INPP4B: variants seen among roughly 807,000 people sequenced by gnomAD.
INPP4B encodes the protein inositol polyphosphate-4-phosphatase type II B, also known as inositol polyphosphate 4-phosphatase type II.
Under a neutral mutation model 122.5 loss-of-function variants are expected in INPP4B, and 55 were observed. The ratio of observed to expected loss-of-function variants is 0.45; its 90% CI spans 0.36 to 0.56. The LOEUF (loss-of-function observed/expected upper bound fraction) is 0.56, where lower values mean the gene tolerates loss of function less well. Ranked by LOEUF, INPP4B falls within the 20% of genes least tolerant of loss-of-function variation. The pLI is 0.00. For synonymous variants in INPP4B, 403 were observed against 388.7 expected (o/e 1.04, Z -0.43); for missense variants, 1,000 against 1,097.7 (o/e 0.91, Z 1.26).
intron 2 of INPP4B, among the ~76,000 whole-genome samples, chr4:142,579,879 GTAGATAGATAGA>G (rs34007661): frequency 0.019 from 2,772 of 142,380 alleles, 38 homozygotes; most frequent in Non-Finnish European, 0.024. Context: ...AGATAGGTAG[GTAGATAGATAGA>G]TAGATAGATA....
intron 15 of INPP4B, among the ~76,000 whole-genome samples, chr4:142,192,281 TA>T (rs57535551): frequency 0.1 from 6,169 of 60,804 alleles, 392 homozygotes; most frequent in East Asian, 0.34. Context: ...TCACCATGGT[TA>T]AAAAAAAAAG....
At chr4:142,536,148 T>C (rs956204266) in intron 2 of INPP4B, among the ~76,000 whole-genome samples, 1 of 152,202 alleles carries the variant, frequency 6.6e-6, no homozygotes, top group African/African-American at 2.4e-5. Context: ...GTAAGTAAGA[T>C]TGTTGATAGA....
At chr4:142,181,427 A>T (rs1258417035) in intron 15 of INPP4B, among the ~76,000 whole-genome samples, 2 of 152,244 alleles carry the variant, frequency 1.3e-5, no homozygotes, top group Non-Finnish European at 2.9e-5. Context: ...AAAAATAAAT[A>T]TAACTGTATT....
intron 2 of INPP4B, among the ~76,000 whole-genome samples, chr4:142,699,836 G>A (rs139789660): frequency 4.9e-4 from 74 of 152,150 alleles, no homozygotes; most frequent in African/African-American, 1.7e-3. Context: ...ATCATTGTGA[G>A]TCAACTCTAT....
intron 1 of INPP4B, among the ~76,000 whole-genome samples, chr4:142,747,875 T>TG (rs111391726): frequency 0.29 from 43,790 of 151,276 alleles, 6,498 homozygotes; most frequent in South Asian, 0.37. Context: ...TGTCAAGGGG[T>TG]GGGGGAGCTG....
chr4:142,562,025 C>T (rs530579906), intron 2 of INPP4B, among the ~76,000 whole-genome samples: 130 of 151,340 alleles, frequency 8.6e-4, no homozygotes, highest in Non-Finnish European at 1.5e-3. Context: ...ATCCTCACTT[C>T]TCACAGGGGG....
intron 12 of INPP4B, among the ~76,000 whole-genome samples, chr4:142,213,460 C>T (rs781537921): frequency 3.3e-5 from 5 of 152,144 alleles, no homozygotes; most frequent in African/African-American, 7.2e-5. Context: ...CACAATAGAT[C>T]ATTCTCTTCA....
rs181055790 is a variant in INPP4B at position 142,165,258 on chromosome 4, A to G, written c.1360-4697T>C. On this transcript the variant is annotated intron_variant, in intron 16 of 25. Transcript: ENST00000262992. ...TAGTATCATTAGTACTCAGAGTCCA[A>G]ACCTCTGAATTATCCTCACTAACGC... Among the ~76,000 whole-genome samples the G allele has an allele frequency of 1.6e-3, 236 of 151,852 alleles. 2 individuals carry two copies. The highest frequency in any genetic ancestry group is 1.4e-3 in the Non-Finnish European group (93 of 67,802).
At chr4:142,790,917 T>C (rs1442232848) in intron 1 of INPP4B, among the ~76,000 whole-genome samples, 1 of 151,934 alleles carries the variant, frequency 6.6e-6, no homozygotes, top group East Asian at 1.9e-4. Context: ...CCACACTTCA[T>C]CCCACTCCCA....
chr4:142,400,052 A>G (rs2149121108), intron 7 of INPP4B, among the ~76,000 whole-genome samples: 1 of 152,370 alleles, frequency 6.6e-6, no homozygotes, highest in African/African-American at 2.4e-5. Flanking sequence ...TTAGAGGAGC[A>G]CAAGAACAAC....
chr4:142,424,311 G>A (rs79933907), intron 5 of INPP4B, among the ~76,000 whole-genome samples: 5,741 of 151,860 alleles, frequency 0.038, 400 homozygotes, highest in African/African-American at 0.13. Context: ...TAAATTAAAG[G>A]CAAGAAGTAG....
At chr4:142,650,553 A>AG (rs1486672003) in intron 2 of INPP4B, among the ~76,000 whole-genome samples, 1 of 152,114 alleles carries the variant, frequency 6.6e-6, no homozygotes, top group Admixed American at 6.5e-5. Flanking sequence ...AAAAAAAAAA[A>AG]AGGCAGGGGT....
At position 142,466,088 on chromosome 4, in the gene INPP4B, TAG is replaced by T. The variant is rs547100286; in HGVS notation, c.-190-3364_-190-3363del. On this transcript the variant is annotated intron_variant, in intron 2 of 25. Coordinates refer to ENST00000262992, the MANE Select transcript of INPP4B (RefSeq NM_001101669.3). ...GGTACCAAGGAATGGGGTGTTACTA[TAG>T]AGATTCCAGAAAATATGGAAGCAGC... Among the ~76,000 whole-genome samples, 90 of 152,264 alleles carry T rather than the reference TAG, an allele frequency of 5.9e-4. 1 individual carries two copies. In the South Asian group the frequency reaches 0.017, roughly 29 times the overall value.
chr4:142,764,070 C>T (rs1172188372), intron 1 of INPP4B, among the ~76,000 whole-genome samples: 1 of 151,816 alleles, frequency 6.6e-6, no homozygotes, highest in Non-Finnish European at 1.5e-5. Flanking sequence ...TTTATGAGAG[C>T]GTAAATTTTT....
intron 1 of INPP4B, among the ~76,000 whole-genome samples, chr4:142,732,206 T>A (rs1007399613): frequency 6.6e-6 from 1 of 152,230 alleles, no homozygotes; most frequent in East Asian, 1.9e-4. Context: ...AAGAGTATTA[T>A]GCTTATGAAG....
intron 2 of INPP4B, among the ~76,000 whole-genome samples, chr4:142,508,878 C>T (rs570217083): frequency 6.6e-6 from 1 of 152,244 alleles, no homozygotes; most frequent in Admixed American, 6.5e-5. Flanking sequence ...ATGCACAGGG[C>T]AGCCCCTCAC....
intron 2 of INPP4B, among the ~76,000 whole-genome samples, chr4:142,545,071 G>A (rs185113968): frequency 2.6e-5 from 4 of 152,174 alleles, no homozygotes; most frequent in Non-Finnish European, 1.5e-5. Context: ...GATTACATGT[G>A]TGTAAGAAAA....
chr4:142,030,142 C>A, intron 25 of INPP4B: 1 of 1,534,252 alleles, frequency 6.5e-7, no homozygotes, highest in East Asian at 2.4e-5. Flanking sequence ...TGGTATTTGG[C>A]TAAGAGTAAC....
chr4:142,580,606 G>A (rs1383115360), intron 2 of INPP4B, among the ~76,000 whole-genome samples: 3 of 151,976 alleles, frequency 2.0e-5, no homozygotes, highest in Non-Finnish European at 2.9e-5. Context: ...ACGTGTTTAT[G>A]TGGTCCATTT....
Sources: allele counts gnomAD v4.1 joint callset (sites outside exome capture counted in the v4.1 genomes callset), GRCh38; gene constraint gnomAD v4.1.1; transcripts MANE v1.5; gene names NCBI Gene and HGNC (gene_info 2026-07-23, HGNC 2026-07-21).